Variants in CDKL2 observed in about 807,000 individuals in gnomAD.
The protein encoded by CDKL2 is cyclin dependent kinase like 2.
A neutral mutation model predicts 63.9 loss-of-function variants in CDKL2; 64 were observed. The ratio of observed to expected loss-of-function variants is 1.00; its 90% CI spans 0.82 to 1.23. CDKL2 has a LOEUF of 1.23. Ranked by LOEUF, CDKL2 falls within the 50% of genes most tolerant of loss-of-function variation. CDKL2 has a pLI of 0.00. For synonymous variants in CDKL2, 211 were observed against 229.2 expected (o/e 0.92, Z 0.72); for missense variants, 656 against 668.0 (o/e 0.98, Z 0.20).
chr4:75,614,162 C>T, intron 3 of CDKL2, 93 bp downstream of exon 3: 1 of 776,800 alleles, frequency 1.3e-6, no homozygotes. Context: ...CTGATGTCTG[C>T]AACTTATTTT....
At chr4:75,599,659 G>C (rs1264711116) in intron 7 of CDKL2, among the ~76,000 whole-genome samples, 1 of 151,440 alleles carries the variant, frequency 6.6e-6, no homozygotes, top group African/African-American at 2.4e-5. Flanking sequence ...CGTGAGGCCA[G>C]AGTTTCTTCA....
At position 75,607,391 on chromosome 4, in the gene CDKL2, T is replaced by C. The variant is rs560344438; in HGVS notation, c.364-30A>G. ...ACAAGAAGCAGAGTGTGACGGATGT[T>C]AAATAAAATTAATTATTTTGGGGCA... On this transcript the variant is annotated intron_variant, in intron 3 of 13. Coordinates refer to ENST00000307465, the MANE Select transcript of CDKL2 (RefSeq NM_001330724.2). 50 of 1,563,424 alleles carry C rather than the reference T, an allele frequency of 3.2e-5. No homozygotes were observed. The South Asian group carries it at 5.5e-4, about 17-fold the overall frequency.
In CDKL2 at chr4:75,591,881, C is replaced by G. The variant is rs986307753; in HGVS notation, c.1585G>C (p.Glu529Gln). 7 of 1,535,868 alleles carry G rather than the reference C, an allele frequency of 4.6e-6. No individual in the cohort carries two copies. Among genetic ancestry groups the G allele is most frequent in the Non-Finnish European group, 6.1e-6 (7 of 1,146,884 alleles). The change falls in exon 12 of 14, where the codon GAA (glutamate) becomes CAA (glutamine). Residue 529 changes from glutamate to glutamine, a missense_variant. By Grantham distance (29) the Glu-to-Gln change is conservative (BLOSUM62 2). Transcript: ENST00000307465. The stretch of plus-strand genomic sequence containing the variant: ...GCAGCCAGAGAAGGAATTCGAGATT[C>G]TGAAAGAATTTTGCTCTCTTTCTTT... ...LTKKESKILS[E>Q]SRIPSLAAID...
chr4:75,599,874 C>T lies in CDKL2; in HGVS notation c.884+407G>A, dbSNP rs1313811334. ...CCACAGGTTTGGCATATCAAGGTCT[C>T]CAACACATCAGCAGTGTCAGCAGTA... On this transcript the variant is annotated intron_variant, in intron 7 of 13. Coordinates refer to ENST00000307465, the MANE Select transcript of CDKL2 (RefSeq NM_001330724.2). Among the ~76,000 whole-genome samples the T allele has an allele frequency of 2.0e-5, 3 of 152,150 alleles. No homozygotes were observed. The South Asian group carries it at 6.2e-4, about 32-fold the overall frequency.
At chr4:75,596,414 C>T in intron 9 of CDKL2, 74 bp from the exon 10 acceptor site, 1 of 847,816 alleles carries the variant, frequency 1.2e-6, no homozygotes, top group East Asian at 2.5e-5. Flanking sequence ...AACTAAATGA[C>T]ACAGCACCAA....
chr4:75,615,306 T>C (rs1404384109), intron 2 of CDKL2, among the ~76,000 whole-genome samples: 2 of 152,158 alleles, frequency 1.3e-5, no homozygotes, highest in African/African-American at 4.8e-5. Flanking sequence ...ACTCAGACTT[T>C]ATTATAAGAA....
intron 5 of CDKL2, 58 bp from the exon 6 acceptor site, chr4:75,604,014 G>T (rs1024217352): frequency 1.4e-5 from 21 of 1,502,566 alleles, no homozygotes; most frequent in Admixed American, 6.1e-5. Flanking sequence ...AAATGGTGAA[G>T]AGACAGGTGG....
At chr4:75,580,225 C>T (rs1728200933) in intron 13 of CDKL2, among the ~76,000 whole-genome samples, 1 of 151,960 alleles carries the variant, frequency 6.6e-6, no homozygotes, top group Middle Eastern at 3.2e-3. Context: ...TGCCACTGCA[C>T]TCCAGCCTGG....
At position 75,578,884 on chromosome 4, in the gene CDKL2, C is replaced by T. The variant is rs1728137593; in HGVS notation, c.*318G>A. ...ATCATGGTAACTTAAAATATACAATCTCCTAACAGTAAATACACATTCATG... is the reference window on the plus strand; with the variant it reads ...ATCATGGTAACTTAAAATATACAATTTCCTAACAGTAAATACACATTCATG... On this transcript the variant is annotated 3_prime_UTR_variant, in exon 14 of 14. Transcript: ENST00000307465. 6.6e-6 allele frequency: 1 copy of T among 152,632 alleles called. No homozygotes were observed. The highest frequency in any genetic ancestry group is 6.5e-5 in the Admixed American group (1 of 15,278). The allele number at this position is 152,632 out of a possible 1,614,324, so 9.5% of individuals were successfully genotyped here. A position where few individuals can be genotyped will look rare whatever the true frequency, so the allele number is the denominator to read the frequency against.
At position 75,578,594 on chromosome 4, in the gene CDKL2, A is replaced by T. The variant is rs1371579715; in HGVS notation, c.*608T>A. On this transcript the variant is annotated 3_prime_UTR_variant, in exon 14 of 14. Coordinates refer to ENST00000307465, the MANE Select transcript of CDKL2 (RefSeq NM_001330724.2). Reference sequence around the variant, plus strand: ...AGATACACATCTACCCATGGACAGGAGTTACATATTCACTTAATATCTAGA... The same window carrying T: ...AGATACACATCTACCCATGGACAGGTGTTACATATTCACTTAATATCTAGA... The T allele has an allele frequency of 6.6e-6, 1 of 152,230 alleles. No individual in the cohort carries two copies. Among genetic ancestry groups the T allele is most frequent in the South Asian group, 2.1e-4 (1 of 4,830 alleles). The allele number at this position is 152,230 out of a possible 1,614,324, so 9.4% of individuals were successfully genotyped here.
chr4:75,603,016 G>T, intron 6 of CDKL2, among the ~76,000 whole-genome samples: 1 of 124,112 alleles, frequency 8.1e-6, no homozygotes, highest in Middle Eastern at 5.3e-3. Flanking sequence ...TTTTTGAGAC[G>T]GAGTCTCGCT....
At chr4:75,628,924 T>C (rs1405511289) in intron 1 of CDKL2, among the ~76,000 whole-genome samples, 2 of 152,196 alleles carry the variant, frequency 1.3e-5, no homozygotes, top group African/African-American at 4.8e-5. Flanking sequence ...ACAATACCAA[T>C]GAACATCGAC....
intron 12 of CDKL2, among the ~76,000 whole-genome samples, chr4:75,588,926 G>A (rs1728587468): frequency 6.6e-6 from 1 of 151,976 alleles, no homozygotes; most frequent in African/African-American, 2.4e-5. Flanking sequence ...TTGTCAAAAG[G>A]AGACAGAAGC....
chr4:75,625,744 A>T (rs559698203), intron 2 of CDKL2, 77 bp downstream of exon 2: 6 of 1,006,182 alleles, frequency 6.0e-6, no homozygotes, highest in Non-Finnish European at 8.8e-6. Flanking sequence ...TTGCATATCT[A>T]ATCATTGTAT....
At chr4:75,597,399 C>CT (rs1233086242) in intron 8 of CDKL2, among the ~76,000 whole-genome samples, 163 bp from the exon 9 acceptor site, 1 of 152,036 alleles carries the variant, frequency 6.6e-6, no homozygotes, top group Non-Finnish European at 1.5e-5. Flanking sequence ...AAGCCAGATT[C>CT]TTATTCAGAT....
chr4:75,601,070 AAG>A (rs1729171248), intron 6 of CDKL2, among the ~76,000 whole-genome samples: 1 of 152,358 alleles, frequency 6.6e-6, no homozygotes, highest in East Asian at 1.9e-4. Context: ...ACAAAAAAGA[AAG>A]AGATGAAGAG....
At chr4:75,587,120 T>C (rs1327280614) in intron 12 of CDKL2, among the ~76,000 whole-genome samples, 1 of 151,958 alleles carries the variant, frequency 6.6e-6, no homozygotes, top group Non-Finnish European at 1.5e-5. Flanking sequence ...AAAGTAAAAA[T>C]AAATAAGGAA....
At chr4:75,614,010 T>C (rs1451674241) in intron 3 of CDKL2, among the ~76,000 whole-genome samples, 2 of 152,098 alleles carry the variant, frequency 1.3e-5, no homozygotes, top group African/African-American at 4.8e-5. Context: ...TGAGCTGAGA[T>C]CTTGCCACTG....
intron 6 of CDKL2, 97 bp from the exon 7 acceptor site, chr4:75,600,466 T>A (rs975759247): frequency 3.6e-5 from 22 of 617,352 alleles, no homozygotes; most frequent in Non-Finnish European, 5.4e-5. Flanking sequence ...AGTCAACGAT[T>A]TTTTTTTTTA....
Sources: allele counts gnomAD v4.1 joint callset (sites outside exome capture counted in the v4.1 genomes callset), GRCh38; gene constraint gnomAD v4.1.1; transcripts MANE v1.5; gene names NCBI Gene and HGNC (gene_info 2026-07-23, HGNC 2026-07-21).